CEMIP2: variants seen among roughly 807,000 people sequenced by gnomAD.
CEMIP2 encodes cell migration inducing hyaluronidase 2, also known as cell surface hyaluronidase CEMIP2.
Under a neutral mutation model 146.9 loss-of-function variants are expected in CEMIP2, and 79 were observed. That is an observed-to-expected ratio of 0.54 (90% CI 0.45 to 0.65). The LOEUF (loss-of-function observed/expected upper bound fraction) is 0.65. Ranked by LOEUF, CEMIP2 falls within the 30% of genes least tolerant of loss-of-function variation. The probability of loss-of-function intolerance (pLI) is 0.00; values close to 1 mark genes in which losing one functional copy is unlikely to be tolerated. For missense variants in CEMIP2, 1,596 were observed against 1,696.2 expected (o/e 0.94, Z 1.04); for synonymous variants, 601 against 606.3 (o/e 0.99, Z 0.13).
Position 71,683,454 on chromosome 9 carries a change from TATC to T in CEMIP2, c.*1740_*1742del, listed in dbSNP as rs1405439012. 2.0e-5 allele frequency: 3 copies of T among 152,122 alleles called. No individual in the cohort carries two copies. Among genetic ancestry groups the T allele is most frequent in the African/African-American group, 7.3e-5 (3 of 41,346 alleles). 9.4% of individuals were successfully genotyped at this position (152,122 alleles called of 1,614,324 possible). A position where few individuals can be genotyped will look rare whatever the true frequency, so the allele number is the denominator to read the frequency against. On this transcript the variant is annotated 3_prime_UTR_variant, in exon 24 of 24. Coordinates refer to ENST00000377044, the MANE Select transcript of CEMIP2 (RefSeq NM_013390.3). Reference sequence around the variant, plus strand: ...AAACCAAGTGCCTTGGTAATTTACATATCTTCTCCAAATCTTTAAAGAACCAAG... The same window carrying T: ...AAACCAAGTGCCTTGGTAATTTACATTTCTCCAAATCTTTAAAGAACCAAG...
intron 22 of CEMIP2, among the ~76,000 whole-genome samples, chr9:71,687,629 G>A (rs1822105284): frequency 1.3e-5 from 2 of 152,018 alleles, no homozygotes; most frequent in South Asian, 4.2e-4. Flanking sequence ...AGGAGTTCAA[G>A]ACCAGCCTGG....
intron 22 of CEMIP2, chr9:71,687,229 T>G (rs1025817648): frequency 2.0e-5 from 3 of 152,220 alleles, no homozygotes; most frequent in African/African-American, 7.2e-5. Context: ...AAAGTACCTT[T>G]TGGGACACTA....
At chr9:71,755,444 G>T (rs890570230) in intron 1 of CEMIP2, among the ~76,000 whole-genome samples, 1 of 151,688 alleles carries the variant, frequency 6.6e-6, no homozygotes, top group Admixed American at 6.6e-5. Context: ...GGAGGCGGAG[G>T]CAGTGAGGCA....
chr9:71,724,463 C>T (rs1181725913), intron 11 of CEMIP2, among the ~76,000 whole-genome samples: 1 of 152,146 alleles, frequency 6.6e-6, no homozygotes, highest in Admixed American at 6.6e-5. Flanking sequence ...AACTCTTCAT[C>T]AAGTGATTCT....
At chr9:71,695,376 T>C (rs950072421) in intron 20 of CEMIP2, among the ~76,000 whole-genome samples, 9 of 152,164 alleles carry the variant, frequency 5.9e-5, no homozygotes, top group African/African-American at 2.2e-4. Flanking sequence ...AAAACTTCCC[T>C]GCAAGAATAA....
intron 1 of CEMIP2, among the ~76,000 whole-genome samples, chr9:71,755,273 G>C (rs190494013): frequency 6.6e-6 from 1 of 150,550 alleles, no homozygotes; most frequent in African/African-American, 2.5e-5. Flanking sequence ...TGCTTTGGGG[G>C]GTCAATATGG....
At chr9:71,738,516 A>G (rs1314949956) in intron 5 of CEMIP2, among the ~76,000 whole-genome samples, 1 of 151,616 alleles carries the variant, frequency 6.6e-6, no homozygotes, top group African/African-American at 2.4e-5. Flanking sequence ...CTCCATCTCA[A>G]AAAAAAACAA....
rs10657343 is a variant in CEMIP2, at chr9:71,683,619, C to CAA, written c.*1576_*1577dup. ...AGGTAAGATCTCATTCATCAATATACAAAAAAAAAAAACAAACCAGAAAAC... is the reference window on the plus strand; with the variant it reads ...AGGTAAGATCTCATTCATCAATATACAAAAAAAAAAAAAACAAACCAGAAAAC... On this transcript the variant is annotated 3_prime_UTR_variant, in exon 24 of 24. Transcript: ENST00000377044. The CAA allele has an allele frequency of 0.13, 17,333 of 136,728 alleles. 2,119 individuals are homozygous for CAA. Among genetic ancestry groups the CAA allele is most frequent in the African/African-American group, 0.31 (11,230 of 36,076 alleles). 8.5% of individuals were successfully genotyped at this position (136,728 alleles called of 1,614,324 possible). A position where few individuals can be genotyped will look rare whatever the true frequency, so the allele number is the denominator to read the frequency against.
chr9:71,747,707 C>T (rs536474031), intron 2 of CEMIP2, among the ~76,000 whole-genome samples: 63 of 151,878 alleles, frequency 4.1e-4, no homozygotes, highest in Non-Finnish European at 7.5e-4. Context: ...ACATATTGTT[C>T]TATACAGAAA....
chr9:71,738,852 C>G (rs1216963932), intron 5 of CEMIP2, among the ~76,000 whole-genome samples: 20 of 151,280 alleles, frequency 1.3e-4, no homozygotes, highest in Admixed American at 1.3e-3. Context: ...AAAAAGATGA[C>G]TACTAGACAA....
intron 20 of CEMIP2, among the ~76,000 whole-genome samples, chr9:71,695,490 C>T (rs1822368475): frequency 1.3e-5 from 2 of 152,042 alleles, no homozygotes; most frequent in South Asian, 4.1e-4. Context: ...GCCTGGTCAA[C>T]ATGGCGAACT....
In CEMIP2 at chr9:71,725,660, C is replaced by T; in HGVS notation, c.2099G>A (p.Ser700Asn). The T allele has an allele frequency of 6.2e-7, 1 of 1,614,046 alleles. No individual in the cohort carries two copies. Among genetic ancestry groups the T allele is most frequent in the Non-Finnish European group, 8.5e-7 (1 of 1,179,958 alleles). ...TGGTTTTGCCAAGAGCTGCAATCCA[C>T]TGGATTCCCCAGTTGGTTCCTTGTG... Reference protein sequence around the residue: ...LFHKEPTGESSGLQLLAKPEL... With the variant: ...LFHKEPTGESNGLQLLAKPEL... Residue 700 changes from serine (S) to asparagine (N), a missense_variant, in exon 11 of 24, where the codon AGT becomes AAT. Physicochemically the swap from Ser to Asn is conservative, Grantham distance 46 (BLOSUM62 1). Coordinates refer to ENST00000377044, the MANE Select transcript of CEMIP2 (RefSeq NM_013390.3).
chr9:71,700,156 G>A (rs1339782191), intron 19 of CEMIP2, among the ~76,000 whole-genome samples: 1 of 152,142 alleles, frequency 6.6e-6, no homozygotes, highest in African/African-American at 2.4e-5. Context: ...GACCCCAGAA[G>A]AACAGGATTG....
chr9:71,750,321 T>C lies in CEMIP2; in HGVS notation c.53A>G (p.Asn18Ser). The change falls in exon 2 of 24, where the codon AAT (asparagine) becomes AGT (serine). Residue 18 changes from asparagine to serine, a missense_variant. Asn to Ser is a conservative substitution (Grantham distance 46, BLOSUM62 1). Coordinates refer to ENST00000377044, the MANE Select transcript of CEMIP2 (RefSeq NM_013390.3). ...GCCAGATGGGTGACGACTATTTCCA[T>C]TCTGAGGTTGGAGGAAAGCAGGGGA... ...GHSPAFLQPQ[N>S]GNSRHPSGYV... 6 of 1,614,068 alleles carry C rather than the reference T, an allele frequency of 3.7e-6. No homozygotes were observed. Among genetic ancestry groups the C allele is most frequent in the Non-Finnish European group, 5.1e-6 (6 of 1,180,004 alleles).
intron 15 of CEMIP2, among the ~76,000 whole-genome samples, 160 bp downstream of exon 15, chr9:71,714,774 A>G (rs1823000526): frequency 6.6e-6 from 1 of 152,230 alleles, no homozygotes; most frequent in Non-Finnish European, 1.5e-5. Flanking sequence ...TAATAGTAGT[A>G]GCAGTAGCAG....
In CEMIP2 at chr9:71,730,080, T is replaced by C. The variant is rs1196204550; in HGVS notation, c.1947A>G (p.Gly649=). 2 of 1,614,172 alleles carry C rather than the reference T, an allele frequency of 1.2e-6. No individual in the cohort carries two copies. The highest frequency in any genetic ancestry group is 2.7e-5 in the African/African-American group (2 of 75,036). The change falls in exon 9 of 24, where the codon GGA becomes GGG. Residue 649 remains glycine, a synonymous_variant. Transcript: ENST00000377044. ...CAGTAGCAGGCACAGGAATGTAATT[T>C]CCAAACACTTTATCTCGCATGGTGG... ...MCTTMRDKVF[G]NYIPVPATDC...
intron 20 of CEMIP2, among the ~76,000 whole-genome samples, chr9:71,696,807 A>G (rs1468590761): frequency 6.6e-6 from 1 of 151,876 alleles, no homozygotes; most frequent in African/African-American, 2.4e-5. Context: ...ACAAAAAAAG[A>G]CTTATACATT....
chr9:71,693,560 G>T (rs1167902683), intron 21 of CEMIP2, among the ~76,000 whole-genome samples: 1 of 152,198 alleles, frequency 6.6e-6, no homozygotes, highest in African/African-American at 2.4e-5. Flanking sequence ...CAATCTTGAA[G>T]CTTATTTTAA....
intron 16 of CEMIP2, among the ~76,000 whole-genome samples, chr9:71,710,634 A>C (rs533844861): frequency 6.6e-6 from 1 of 152,356 alleles, no homozygotes; most frequent in South Asian, 2.1e-4. Flanking sequence ...CAACAAATGC[A>C]GTATCTAACA....
Sources: gnomAD v4.1 joint callset for allele counts (sites outside exome capture counted in the v4.1 genomes callset) on GRCh38, gnomAD v4.1.1 for gene constraint, MANE v1.5 for transcripts, NCBI Gene and HGNC (gene_info 2026-07-23, HGNC 2026-07-21) for gene names.